Variants in UTRN observed in about 807,000 individuals in gnomAD.
The protein encoded by UTRN is dystrophin-related protein 1.
A neutral mutation model predicts 463.9 loss-of-function variants in UTRN; 283 were observed. The ratio of observed to expected loss-of-function variants is 0.61; its 90% CI spans 0.55 to 0.67. The LOEUF (loss-of-function observed/expected upper bound fraction) is 0.67, where lower values mean the gene tolerates loss of function less well. UTRN is among the 30% of genes least tolerant of loss of function. The pLI, the probability that UTRN is intolerant of heterozygous loss-of-function variation, is 0.00. For missense variants in UTRN, 3,922 were observed against 4,084.3 expected (o/e 0.96, Z 1.08); for synonymous variants, 1,442 against 1,431.5 (o/e 1.01, Z -0.17).
chr6:144,587,824 T>A (rs999184601), intron 51 of UTRN, among the ~76,000 whole-genome samples: 2 of 152,172 alleles, frequency 1.3e-5, no homozygotes, highest in African/African-American at 4.8e-5. Context: ...AACCAACTCA[T>A]ACATAGATTG....
intron 50 of UTRN, among the ~76,000 whole-genome samples, chr6:144,557,626 G>C (rs1256651441): frequency 6.6e-6 from 1 of 151,926 alleles, no homozygotes; most frequent in African/African-American, 2.4e-5. Context: ...GTAGTCTTCT[G>C]ATGGTAAGGA....
Position 144,797,925 on chromosome 6 carries a change from A to C in UTRN, c.9180A>C (p.Ala3060=). 1 of 1,614,224 alleles carries C rather than the reference A, an allele frequency of 6.2e-7. No homozygotes were observed. The highest frequency in any genetic ancestry group is 1.1e-5 in the South Asian group (1 of 91,086). The part of the protein sequence containing the change: ...VWLPVLHRVA[A]AETAKHQAKC... Reference sequence around the variant, plus strand: ...TCCCAGTTTTACATCGAGTGGCAGCAGCGGAGACTGCAAAACATCAGGCCA... The same window carrying C: ...TCCCAGTTTTACATCGAGTGGCAGCCGCGGAGACTGCAAAACATCAGGCCA... The change falls in exon 64 of 75, where the codon GCA becomes GCC. Residue 3060 remains alanine (A), a synonymous_variant. Transcript: ENST00000367545.
In UTRN at chr6:144,436,149, G is replaced by A. The variant is rs1392972025; in HGVS notation, c.1059+11G>A. On this transcript the variant is annotated intron_variant, in intron 10 of 74. Coordinates refer to ENST00000367545, the MANE Select transcript of UTRN (RefSeq NM_007124.3). ...TTTGCAACCCATGAAGTAAATATCT[G>A]TAGTTTCTTAGCAGGGTGTGTCCCC... 2.5e-6 allele frequency: 4 copies of A among 1,609,788 alleles called. No homozygotes were observed. Among genetic ancestry groups the A allele is most frequent in the Admixed American group, 3.3e-5 (2 of 59,976 alleles).
At chr6:144,561,419 C>T (rs1799910920) in intron 50 of UTRN, among the ~76,000 whole-genome samples, 4 of 150,496 alleles carry the variant, frequency 2.7e-5, no homozygotes, top group Admixed American at 2.0e-4. Context: ...TATATATGCA[C>T]ACTCATGTAT....
chr6:144,456,282 C>T (rs1000775298), intron 19 of UTRN, among the ~76,000 whole-genome samples: 1 of 152,154 alleles, frequency 6.6e-6, no homozygotes, highest in Non-Finnish European at 1.5e-5. Context: ...ATAGCCAATT[C>T]TGATAGGTCT....
At chr6:144,295,787 T>C (rs903366988) in intron 2 of UTRN, among the ~76,000 whole-genome samples, 2 of 152,168 alleles carry the variant, frequency 1.3e-5, no homozygotes, top group African/African-American at 4.8e-5. Flanking sequence ...GTGCTAACAG[T>C]TTAATCCTCA....
intron 2 of UTRN, among the ~76,000 whole-genome samples, chr6:144,376,453 CA>C (rs745601567): frequency 0.014 from 1,631 of 114,456 alleles, 11 homozygotes; most frequent in Non-Finnish European, 0.02. Context: ...CACTCTGTCT[CA>C]AAAAAAAAAA....
intron 50 of UTRN, among the ~76,000 whole-genome samples, 182 bp from the exon 51 acceptor site, chr6:144,576,917 A>G (rs939818129): frequency 9.2e-5 from 14 of 152,170 alleles, no homozygotes; most frequent in African/African-American, 3.4e-4. Flanking sequence ...CAGAATTCAC[A>G]TGATCCCTCC....
rs921631896 is a variant in UTRN at position 144,288,092 on chromosome 6, A to G, written c.-93+2271A>G. Among the ~76,000 whole-genome samples, 5 of 152,216 alleles carry G rather than the reference A, an allele frequency of 3.3e-5. No individual in the cohort carries two copies. The South Asian group carries it at 8.3e-4, about 25-fold the overall frequency. On this transcript the variant is annotated intron_variant, in intron 1 of 74. Coordinates refer to ENST00000367545, the MANE Select transcript of UTRN (RefSeq NM_007124.3). ...TCATCCTTTGCCTTAAGTGTACTCA[A>G]ATTCCTCTGGCCATTAATGGCAAGT...
intron 48 of UTRN, among the ~76,000 whole-genome samples, chr6:144,552,476 C>G (rs1799010691): frequency 6.6e-6 from 1 of 152,132 alleles, no homozygotes; most frequent in Non-Finnish European, 1.5e-5. Flanking sequence ...TTGATGTTTT[C>G]TTTTAATTAT....
At chr6:144,507,319 T>G (rs1380236524) in intron 34 of UTRN, among the ~76,000 whole-genome samples, 1 of 151,792 alleles carries the variant, frequency 6.6e-6, no homozygotes, top group Non-Finnish European at 1.5e-5. Flanking sequence ...TAGCAAGGAG[T>G]TCTGATTCTT....
At chr6:144,304,439 G>T (rs934954662) in intron 2 of UTRN, among the ~76,000 whole-genome samples, 2 of 152,152 alleles carry the variant, frequency 1.3e-5, no homozygotes, top group Admixed American at 6.5e-5. Context: ...CCTAGAGAGG[G>T]CAGGTACACA....
chr6:144,603,087 A>AT (rs200966788), intron 51 of UTRN, among the ~76,000 whole-genome samples: 1,804 of 151,980 alleles, frequency 0.012, 46 homozygotes, highest in Admixed American at 0.057. Context: ...GTTTTTATGA[A>AT]TTTTTTTTGT....
At chr6:144,540,240 C>T (rs1225426995) in intron 45 of UTRN, among the ~76,000 whole-genome samples, 9 of 150,694 alleles carry the variant, frequency 6.0e-5, no homozygotes, top group Non-Finnish European at 1.0e-4. Flanking sequence ...GCCATTGAAA[C>T]GGTTAAAAGT....
At chr6:144,515,923 A>G (rs1203914217) in intron 37 of UTRN, among the ~76,000 whole-genome samples, 1 of 152,192 alleles carries the variant, frequency 6.6e-6, no homozygotes, top group African/African-American at 2.4e-5. Context: ...TTTCTGGATC[A>G]TGGCCATAGT....
At chr6:144,552,831 A>G (rs528007898) in intron 48 of UTRN, among the ~76,000 whole-genome samples, 3 of 152,182 alleles carry the variant, frequency 2.0e-5, no homozygotes, top group African/African-American at 4.8e-5. Context: ...AAAGGATTCT[A>G]TTAGTAATAG....
At chr6:144,496,248 T>G (rs1793632765) in intron 33 of UTRN, among the ~76,000 whole-genome samples, 1 of 152,178 alleles carries the variant, frequency 6.6e-6, no homozygotes, top group Admixed American at 6.5e-5. Flanking sequence ...CCAGTTGAGG[T>G]AATATTGAAG....
intron 2 of UTRN, among the ~76,000 whole-genome samples, chr6:144,349,738 G>A (rs1777947084): frequency 6.6e-6 from 1 of 152,026 alleles, no homozygotes; most frequent in Admixed American, 6.6e-5. Flanking sequence ...ACTGGATTTG[G>A]ATCTGTTTCA....
intron 69 of UTRN, among the ~76,000 whole-genome samples, chr6:144,830,315 A>G (rs1780557024): frequency 6.6e-6 from 1 of 152,194 alleles, no homozygotes; most frequent in Non-Finnish European, 1.5e-5. Context: ...GTCATTATAT[A>G]TATTAACTCA....
Sources: gnomAD v4.1 joint callset for allele counts (sites outside exome capture counted in the v4.1 genomes callset) on GRCh38, gnomAD v4.1.1 for gene constraint, MANE v1.5 for transcripts, NCBI Gene and HGNC (gene_info 2026-07-23, HGNC 2026-07-21) for gene names.